Variants in PPP4R1 observed in about 807,000 individuals in gnomAD.
PPP4R1 encodes the protein serine/threonine-protein phosphatase 4 regulatory subunit 1.
Under a neutral mutation model 111.2 loss-of-function variants are expected in PPP4R1, and 42 were observed. The observed-to-expected ratio is 0.38, with a 90% confidence interval of 0.29 to 0.49. The LOEUF is 0.49. Among genes scored for constraint, PPP4R1 ranks in the 20% least tolerant of loss-of-function variants. The pLI is 0.97. For missense variants in PPP4R1, 1,012 were observed against 1,161.6 expected, an observed-to-expected ratio of 0.87 and a Z score of 1.87; for synonymous variants, 409 against 405.5, an observed-to-expected ratio of 1.01 and a Z score of -0.10.
In PPP4R1 at chr18:9,559,507, T is replaced by C. The variant is rs910655495; in HGVS notation, c.1940A>G (p.Tyr647Cys). The C allele has an allele frequency of 1.2e-6, 2 of 1,613,984 alleles. No individual in the cohort carries two copies. The highest frequency in any genetic ancestry group is 1.7e-6 in the Non-Finnish European group (2 of 1,179,898). The change falls in exon 14 of 20, where the codon TAT (tyrosine) becomes TGT (cysteine). Residue 647 changes from tyrosine to cysteine, a missense_variant. Physicochemically the swap from Tyr to Cys is radical, Grantham distance 194 (BLOSUM62 -2). Around this residue, in one of 2 missense-constraint regions of PPP4R1, gnomAD observed 305 missense variants for 419.5 expected, o/e 0.73. Coordinates refer to ENST00000400556, the MANE Select transcript of PPP4R1 (RefSeq NM_001042388.3). The part of the protein sequence containing the change: ...VDTEIAKHCA[Y>C]SLPGVALTLG... ...TGTCAAGGCCACACCAGGGAGGCTA[T>C]ATGCACAGTGCTTAGCAATTTCAGT...
intron 9 of PPP4R1, among the ~76,000 whole-genome samples, chr18:9,581,149 C>T (rs2067022459): frequency 7.0e-6 from 1 of 143,468 alleles, no homozygotes; most frequent in South Asian, 2.2e-4. Context: ...CAACTCTCAA[C>T]AAAACATTAC....
chr18:9,592,106 C>T (rs746801124), intron 4 of PPP4R1, among the ~76,000 whole-genome samples: 1 of 152,156 alleles, frequency 6.6e-6, no homozygotes, highest in African/African-American at 2.4e-5. Context: ...TATAGTCTTC[C>T]AATCAAGTCT....
In PPP4R1 at chr18:9,570,235, T is replaced by C. The variant is rs2066837980; in HGVS notation, c.1495A>G (p.Ile499Val). ...SEGPVPSSPN[I>V]TMATRKELEE... ...AGTTCCTTTCTGGTGGCCATGGTGA[T>C]GTTTGGAGAACTGGGCACAGGGCCC... The change falls in exon 11 of 20, where the codon ATC (isoleucine) becomes GTC (valine). Residue 499 changes from isoleucine (I) to valine (V), a missense_variant. Around this residue, in one of 2 missense-constraint regions of PPP4R1, gnomAD observed 707 missense variants for 742.1 expected, o/e 0.95. Coordinates refer to ENST00000400556, the MANE Select transcript of PPP4R1 (RefSeq NM_001042388.3). 1.3e-6 allele frequency: 2 copies of C among 1,590,132 alleles called. No homozygotes were observed. Among genetic ancestry groups the C allele is most frequent in the Non-Finnish European group, 1.7e-6 (2 of 1,171,778 alleles).
chr18:9,606,366 T>C (rs146319270), intron 2 of PPP4R1, among the ~76,000 whole-genome samples: 61 of 152,332 alleles, frequency 4.0e-4, no homozygotes, highest in African/African-American at 1.5e-3. Flanking sequence ...TTGTCATGGC[T>C]GCTTTTACCT....
chr18:9,583,355 T>C (rs1451841155), intron 8 of PPP4R1, 80 bp from the exon 9 acceptor site: 1 of 1,295,280 alleles, frequency 7.7e-7, no homozygotes, highest in African/African-American at 1.5e-5. Flanking sequence ...TTTTCTGCTT[T>C]CACGCTTCTT....
intron 15 of PPP4R1, among the ~76,000 whole-genome samples, chr18:9,554,566 T>C (rs1393707474): frequency 2.6e-5 from 4 of 151,596 alleles, no homozygotes; most frequent in Non-Finnish European, 4.4e-5. Context: ...AGTAATTTAA[T>C]TAAAAAAAAA....
At position 9,614,050 on chromosome 18, in the gene PPP4R1, G is replaced by T; in HGVS notation, c.52+176C>A. On this transcript the variant is annotated intron_variant, in intron 2 of 19. Transcript: ENST00000400556. The surrounding 1 kb of genome is among the most constrained non-coding windows in gnomAD (Gnocchi z 4.1). ...CCCTCCCCCAGCGGAACCTGGGCGC[G>T]CCGTTTCCTCACGGACGCGAGATTT... 1 of 409,994 alleles carries T rather than the reference G, an allele frequency of 2.4e-6. No individual in the cohort carries two copies. The allele number at this position is 409,994 out of a possible 1,614,324, so 25.4% of individuals were successfully genotyped here.
At chr18:9,567,096 GTAAAC>G (rs1350309884) in intron 11 of PPP4R1, among the ~76,000 whole-genome samples, 1 of 152,154 alleles carries the variant, frequency 6.6e-6, no homozygotes, top group Non-Finnish European at 1.5e-5. Context: ...TCTGGACAAA[GTAAAC>G]TGAAAACCTT....
chr18:9,569,482 G>C (rs1293153939), intron 11 of PPP4R1, among the ~76,000 whole-genome samples: 1 of 152,144 alleles, frequency 6.6e-6, no homozygotes, highest in Admixed American at 6.5e-5. Context: ...AAAAGGTAAT[G>C]AGTCTCTGTG....
intron 13 of PPP4R1, among the ~76,000 whole-genome samples, chr18:9,561,250 A>AATAATG (rs1215867311): frequency 1.8e-4 from 27 of 149,292 alleles, no homozygotes; most frequent in Admixed American, 3.4e-4. Flanking sequence ...TAATAATAAT[A>AATAATG]ATAATAATAA....
At chr18:9,590,898 G>C (rs7240432) in intron 4 of PPP4R1, among the ~76,000 whole-genome samples, 1 of 151,894 alleles carries the variant, frequency 6.6e-6, no homozygotes, top group South Asian at 2.1e-4. Flanking sequence ...CTTCTCTTCT[G>C]CAAGAAGCAT....
At chr18:9,591,142 G>T (rs1255760106) in intron 4 of PPP4R1, among the ~76,000 whole-genome samples, 2 of 152,010 alleles carry the variant, frequency 1.3e-5, no homozygotes, top group Non-Finnish European at 2.9e-5. Flanking sequence ...GAGGTCAGAA[G>T]TTCAAGACCA....
intron 2 of PPP4R1, among the ~76,000 whole-genome samples, chr18:9,607,235 C>T (rs977518767): frequency 2.0e-5 from 3 of 151,968 alleles, no homozygotes; most frequent in Non-Finnish European, 4.4e-5. Context: ...GTGGTGCAGG[C>T]CTGTGGTCCC....
chr18:9,548,409 C>CG (rs34715958), intron 19 of PPP4R1, among the ~76,000 whole-genome samples: 56,423 of 151,638 alleles, frequency 0.37, 11,544 homozygotes, highest in Middle Eastern at 0.56. Flanking sequence ...CGGCAGGCGG[C>CG]GGGGGGGTCG....
chr18:9,597,208 G>A (rs182122750), intron 2 of PPP4R1, among the ~76,000 whole-genome samples: 2 of 152,274 alleles, frequency 1.3e-5, no homozygotes, highest in East Asian at 3.9e-4. Context: ...GACAGTACTG[G>A]ACAGTGATCT....
In PPP4R1 at chr18:9,550,197, G is replaced by A. The variant is rs770709933; in HGVS notation, c.2413-11C>T. 1.2e-6 allele frequency: 2 copies of A among 1,614,192 alleles called. No homozygotes were observed. Among genetic ancestry groups the A allele is most frequent in the South Asian group, 1.1e-5 (1 of 91,074 alleles). The stretch of plus-strand genomic sequence containing the variant: ...CACCATCTCGCTGACCTGGGAGGGT[G>A]AGCATGGAGAAATGAGGAACAGCTT... On this transcript the variant is annotated splice_polypyrimidine_tract_variant and intron_variant, in intron 17 of 19. Coordinates refer to ENST00000400556, the MANE Select transcript of PPP4R1 (RefSeq NM_001042388.3).
At chr18:9,554,002 C>T (rs185570706) in intron 15 of PPP4R1, among the ~76,000 whole-genome samples, 2 of 152,066 alleles carry the variant, frequency 1.3e-5, no homozygotes, top group South Asian at 2.1e-4. Flanking sequence ...CTTCAAGGGA[C>T]GTTCTAAGGA....
chr18:9,560,166 G>A (rs1333443950), intron 13 of PPP4R1, among the ~76,000 whole-genome samples: 1 of 152,142 alleles, frequency 6.6e-6, no homozygotes, highest in African/African-American at 2.4e-5. Flanking sequence ...TGTAGTTCCA[G>A]ATACTCGGGA....
intron 7 of PPP4R1, 62 bp downstream of exon 7, chr18:9,584,659 T>C: frequency 6.2e-7 from 1 of 1,602,552 alleles, no homozygotes; most frequent in Admixed American, 1.7e-5. Context: ...ATATCATGTA[T>C]CAGTACATTA....
Sources: gnomAD v4.1 joint callset for allele counts (sites outside exome capture counted in the v4.1 genomes callset) on GRCh38, gnomAD v4.1.1 for gene constraint, gnomAD v4.1.1 regional missense constraint, Gnocchi (gnomAD v3.1) non-coding constraint, MANE v1.5 for transcripts, NCBI Gene and HGNC (gene_info 2026-07-23, HGNC 2026-07-21) for gene names.